The following GLB1L2 variants were observed in gnomAD, a reference collection of about 807,000 sequenced individuals.
The protein encoded by GLB1L2 is beta-galactosidase-1-like protein 2.
GLB1L2 carries 68 observed loss-of-function variants against 84.1 expected under a neutral mutation model. That is an observed-to-expected ratio of 0.81 (90% CI 0.67 to 0.99). GLB1L2 has a LOEUF of 0.99. Ranked by LOEUF, GLB1L2 falls within the 50% of genes least tolerant of loss-of-function variation. The pLI is 0.00. For synonymous variants in GLB1L2, 290 were observed against 318.0 expected, an observed-to-expected ratio of 0.91 and a Z score of 0.94; for missense variants, 762 against 805.6, an observed-to-expected ratio of 0.95 and a Z score of 0.66.
chr11:134,359,020 G>A, intron 6 of GLB1L2, 40 bp from the exon 7 acceptor site: 1 of 1,470,144 alleles, frequency 6.8e-7, no homozygotes, highest in Non-Finnish European at 9.3e-7. Context: ...AAGCTCTAAG[G>A]AGCCAGGGCA....
rs1591625579 is a variant in GLB1L2 at position 134,371,147 on chromosome 11, A to G, written c.1355A>G (p.Gln452Arg). 1 of 1,614,112 alleles carries G rather than the reference A, an allele frequency of 6.2e-7. No individual in the cohort carries two copies. Among genetic ancestry groups the G allele is most frequent in the Non-Finnish European group, 8.5e-7 (1 of 1,179,984 alleles). Residue 452 changes from glutamine to arginine, a missense_variant and splice_region_variant, in exon 13 of 19, where the codon CAG (glutamine) becomes CGG (arginine). Gln to Arg is a conservative substitution (Grantham distance 43). Transcript: ENST00000535456. ...ILSGHVHDRG[Q>R]VFVNTVSIGF... ...AGTGGCCACGTGCATGATCGGGGGCAGGTAGGAGCTTCTCTTCTAAATTCC... is the reference window on the plus strand; with the variant it reads ...AGTGGCCACGTGCATGATCGGGGGCGGGTAGGAGCTTCTCTTCTAAATTCC...
At chr11:134,371,319 C>T (rs968680907) in intron 13 of GLB1L2, 102 bp from the exon 14 acceptor site, 57 of 1,186,986 alleles carry the variant, frequency 4.8e-5, no homozygotes, top group Admixed American at 2.3e-4. Flanking sequence ...ACTGGCCCCT[C>T]GTCTGCCTAC....
At chr11:134,365,761 G>C (rs1224740516) in intron 8 of GLB1L2, among the ~76,000 whole-genome samples, 1 of 152,174 alleles carries the variant, frequency 6.6e-6, no homozygotes, top group Non-Finnish European at 1.5e-5. Flanking sequence ...TTTTCCTGAA[G>C]GAAGGGGACT....
rs375690695 is a variant in GLB1L2 at position 134,370,450 on chromosome 11, G to A, written c.1215+51G>A. 1.6e-5 allele frequency: 23 copies of A among 1,430,986 alleles called. No individual in the cohort carries two copies. The African/African-American group carries it at 1.8e-4, about 11-fold the overall frequency. The allele number at this position is 1,430,986 out of a possible 1,614,324, so 88.6% of individuals were successfully genotyped here. A position where few individuals can be genotyped will look rare whatever the true frequency, so the allele number is the denominator to read the frequency against. On this transcript the variant is annotated intron_variant, in intron 12 of 18. Coordinates refer to ENST00000535456, the MANE Select transcript of GLB1L2 (RefSeq NM_001370461.1). This position sits in a 1 kb window ranked among gnomAD's most constrained non-coding sequence, Gnocchi z 4.7. Reference sequence around the variant, plus strand: ...AGGTGAGTGAGTGCCGGGGGCAGTCGTTGGCAGGGAGGTGAGTGCTGGGGG... The same window carrying A: ...AGGTGAGTGAGTGCCGGGGGCAGTCATTGGCAGGGAGGTGAGTGCTGGGGG...
chr11:134,356,466 G>C, intron 6 of GLB1L2, 73 bp downstream of exon 6: 1 of 1,035,160 alleles, frequency 9.7e-7, no homozygotes, highest in Non-Finnish European at 1.5e-6. Context: ...TGTGACATGT[G>C]GGTCTAATAT....
At chr11:134,373,884 C>A in intron 16 of GLB1L2, 76 bp downstream of exon 16, 2 of 1,112,856 alleles carry the variant, frequency 1.8e-6, no homozygotes, top group Non-Finnish European at 2.7e-6. Flanking sequence ...GTCCCTGGTG[C>A]ACCGTGGCCT....
At chr11:134,355,923 C>G in intron 5 of GLB1L2, 1 of 440,578 alleles carries the variant, frequency 2.3e-6, no homozygotes, top group East Asian at 6.7e-5. Flanking sequence ...CATGAGGGAG[C>G]GGGGAGTTGG....
At chr11:134,365,446 T>C (rs1455820123) in intron 8 of GLB1L2, among the ~76,000 whole-genome samples, 3 of 152,116 alleles carry the variant, frequency 2.0e-5, no homozygotes, top group Admixed American at 6.5e-5. Context: ...GATGACAGGG[T>C]CTCCTGCCCT....
intron 1 of GLB1L2, among the ~76,000 whole-genome samples, chr11:134,332,494 C>T (rs897765048): frequency 1.3e-5 from 2 of 152,138 alleles, no homozygotes; most frequent in Non-Finnish European, 2.9e-5. Flanking sequence ...CCATCGCGGC[C>T]CCGTCCCCAC....
chr11:134,345,865 G>T (rs1351224113), intron 4 of GLB1L2, among the ~76,000 whole-genome samples: 1 of 152,190 alleles, frequency 6.6e-6, no homozygotes, highest in Non-Finnish European at 1.5e-5. Flanking sequence ...TTATGGTTTT[G>T]TCTTCCTATC....
intron 4 of GLB1L2, chr11:134,347,067 A>G: frequency 2.2e-6 from 1 of 456,184 alleles, no homozygotes; most frequent in Non-Finnish European, 4.0e-6. Flanking sequence ...GCTGGCAGCC[A>G]GGCCCTGTAG....
chr11:134,354,438 T>C (rs1324727880), intron 5 of GLB1L2, among the ~76,000 whole-genome samples: 2 of 151,504 alleles, frequency 1.3e-5, no homozygotes, highest in South Asian at 2.1e-4. Context: ...TATAATAATA[T>C]TTTTATATTT....
At chr11:134,332,256 A>G in intron 1 of GLB1L2, 109 bp downstream of exon 1, 1 of 719,310 alleles carries the variant, frequency 1.4e-6, no homozygotes, top group Non-Finnish European at 2.2e-6. Context: ...CGGGGGGAGC[A>G]GCCCCAGCTG....
Position 134,354,461 on chromosome 11 carries a change from T to A in GLB1L2, c.559-1840T>A, listed in dbSNP as rs377259691. ...TATTTTTATATTTTTTATGTGTCTA[T>A]CTTTGCTGGAGAACTTTATATTTTC... is the stretch of plus-strand genomic sequence containing the variant. On this transcript the variant is annotated intron_variant, in intron 5 of 18. Coordinates refer to ENST00000535456, the MANE Select transcript of GLB1L2 (RefSeq NM_001370461.1). Among the ~76,000 whole-genome samples the A allele has an allele frequency of 3.9e-5, 6 of 152,212 alleles. No individual in the cohort carries two copies. The East Asian group carries it at 1.2e-3, about 29-fold the overall frequency.
chr11:134,371,011 A>C lies in GLB1L2; in HGVS notation c.1219A>C (p.Ile407Leu). The C allele has an allele frequency of 6.2e-7, 1 of 1,614,040 alleles. No individual in the cohort carries two copies. Among genetic ancestry groups the C allele is most frequent in the Non-Finnish European group, 8.5e-7 (1 of 1,179,994 alleles). Residue 407 changes from isoleucine (I) to leucine (L), a missense_variant, in exon 13 of 19, where the codon ATC becomes CTC. Physicochemically the swap from Ile to Leu is conservative, Grantham distance 5. Transcript: ENST00000535456. ...CCTCCATCTCTTCTGTACGCAGCCA[A>C]TCAAGTCTGAAAAGCCCATCAACAT... is the stretch of plus-strand genomic sequence containing the variant. ...WDALKYLGEP[I>L]KSEKPINMEN...
intron 5 of GLB1L2, among the ~76,000 whole-genome samples, chr11:134,355,507 C>A (rs551272599): frequency 2.2e-4 from 34 of 152,266 alleles, no homozygotes; most frequent in African/African-American, 6.5e-4. Flanking sequence ...GGAGATCAGC[C>A]CAACATGAAG....
chr11:134,370,989 C>T lies in GLB1L2; in HGVS notation c.1216-19C>T, dbSNP rs1465428305. Reference sequence around the variant, plus strand: ...ACTCCTCCTGAGCCTGCCCACCCCTCCATCTCTTCTGTACGCAGCCAATCA... The same window carrying T: ...ACTCCTCCTGAGCCTGCCCACCCCTTCATCTCTTCTGTACGCAGCCAATCA... On this transcript the variant is annotated intron_variant, in intron 12 of 18. Coordinates refer to ENST00000535456, the MANE Select transcript of GLB1L2 (RefSeq NM_001370461.1). This position sits in a 1 kb window ranked among gnomAD's most constrained non-coding sequence, Gnocchi z 4.7. 4 of 1,613,738 alleles carry T rather than the reference C, an allele frequency of 2.5e-6. No homozygotes were observed. In the Admixed American group the frequency reaches 5.0e-5, roughly 20 times the overall value.
intron 7 of GLB1L2, among the ~76,000 whole-genome samples, chr11:134,362,018 G>GT (rs1943799988): frequency 6.6e-6 from 1 of 152,206 alleles, no homozygotes. Context: ...CGTGCGGGTT[G>GT]TGCGTGTCTT....
Position 134,345,113 on chromosome 11 carries a change from C to G in GLB1L2, c.433C>G (p.Leu145Val), listed in dbSNP as rs370929645. The change falls in exon 4 of 19, where the codon CTC becomes GTC. Residue 145 changes from leucine to valine, a missense_variant. Physicochemically the swap from Leu to Val is conservative, Grantham distance 32. Transcript: ENST00000535456. ...PGPYICSEMD[L>V]GGLPSWLLQD... is the part of the protein sequence containing the mutation. ...CCCCTACATCTGCAGTGAGATGGAC[C>G]TCGGGGGCTTGCCCAGGTAAGCGGG... The G allele has an allele frequency of 1.6e-5, 25 of 1,612,338 alleles. No homozygotes were observed. Among genetic ancestry groups the G allele is most frequent in the African/African-American group, 4.0e-5 (3 of 75,040 alleles).
Sources: gnomAD v4.1 joint callset for allele counts (sites outside exome capture counted in the v4.1 genomes callset) on GRCh38, gnomAD v4.1.1 for gene constraint, Gnocchi (gnomAD v3.1) non-coding constraint, MANE v1.5 for transcripts, NCBI Gene and HGNC (gene_info 2026-07-23, HGNC 2026-07-21) for gene names.